The following PRSS23 variants were observed in gnomAD, a reference collection of about 807,000 sequenced individuals.
The protein encoded by PRSS23 is protease, serine 23.
In PRSS23, 25 loss-of-function variants were observed where a neutral mutation model predicts 34.7. The ratio of observed to expected loss-of-function variants is 0.72; its 90% confidence interval spans 0.53 to 1.01. PRSS23 has a LOEUF of 1.01. PRSS23 is among the 50% of genes least tolerant of loss of function. The probability of loss-of-function intolerance (pLI) is 0.00; values close to 1 mark genes in which losing one functional copy is unlikely to be tolerated. For synonymous variants in PRSS23, 176 were observed against 186.6 expected, an observed-to-expected ratio of 0.94 and a Z score of 0.46; for missense variants, 445 against 475.6, an observed-to-expected ratio of 0.94 and a Z score of 0.60.
intron 2 of PRSS23, among the ~76,000 whole-genome samples, chr11:86,842,108 G>C (rs1948453014): frequency 6.6e-6 from 1 of 152,138 alleles, no homozygotes; most frequent in African/African-American, 2.4e-5. Context: ...TTCACCCCTG[G>C]GATGCAAGGC....
Position 86,807,740 on chromosome 11 carries a change from C to T in PRSS23, c.97C>T (p.Pro33Ser), listed in dbSNP as rs1337121292. 1 of 1,614,116 alleles carries T rather than the reference C, an allele frequency of 6.2e-7. No individual in the cohort carries two copies. Among genetic ancestry groups the T allele is most frequent in the Admixed American group, 1.7e-5 (1 of 60,032 alleles). Residue 33 changes from proline to serine, a missense_variant, in exon 2 of 2, where the codon CCT becomes TCT. Physicochemically the swap from Pro to Ser is moderately conservative, Grantham distance 74. Transcript: ENST00000280258. ...PYSAPWKPTW[P>S]AYRLPVVLPQ... ...CAGTGCCCCCTGGAAACCCACTTGG[C>T]CTGCATACCGCCTCCCTGTCGTCTT...
rs377063808 is a variant in PRSS23, at chr11:86,894,686, C to T, written c.207-56530C>T. On this transcript the variant is annotated intron_variant, in intron 2 of 2. Transcript: ENST00000533902. ...AGCTGAAGAAAGGACTAACCTTTAC[C>T]GGTCGTTGTCTTTATCTTCAAAGCT... Among the ~76,000 whole-genome samples, 4 of 152,228 alleles carry T rather than the reference C, an allele frequency of 2.6e-5. No individual in the cohort carries two copies. In the South Asian group the frequency reaches 6.2e-4, roughly 24 times the overall value.
chr11:86,897,639 T>G lies in PRSS23; in HGVS notation c.207-53577T>G, dbSNP rs554072603. Among the ~76,000 whole-genome samples, 8 of 152,008 alleles carry G rather than the reference T, an allele frequency of 5.3e-5. 1 individual carries two copies. The East Asian group carries it at 5.8e-4, about 11-fold the overall frequency. On this transcript the variant is annotated intron_variant, in intron 2 of 2. Transcript: ENST00000533902. ...AAGCATGCACCCCTGGCTAGTTTTT[T>G]TTTGTTTGTTTGTTATAAATACTGG... is the stretch of plus-strand genomic sequence containing the variant.
intron 2 of PRSS23, among the ~76,000 whole-genome samples, chr11:86,907,950 T>G (rs1001233638): frequency 6.6e-6 from 1 of 152,244 alleles, no homozygotes; most frequent in Non-Finnish European, 1.5e-5. Context: ...CTATTTCAGA[T>G]TCCTCGTCAG....
chr11:86,937,222 C>A (rs546744179), intron 2 of PRSS23: 1 of 152,188 alleles, frequency 6.6e-6, no homozygotes, highest in African/African-American at 2.4e-5. Flanking sequence ...ATCACAGACC[C>A]CTTCTTTGAA....
At chr11:86,945,952 A>G (rs551786923) in intron 2 of PRSS23, 9 of 152,734 alleles carry the variant, frequency 5.9e-5, no homozygotes, top group African/African-American at 2.2e-4. Flanking sequence ...GGACCCAAGA[A>G]AGGCCACAGA....
At chr11:86,903,544 G>A (rs1362843078) in intron 2 of PRSS23, among the ~76,000 whole-genome samples, 1 of 146,298 alleles carries the variant, frequency 6.8e-6, no homozygotes, top group African/African-American at 2.5e-5. Context: ...GTGCAGTGGT[G>A]TGATCTCGGC....
In PRSS23 at chr11:86,840,625, A is replaced by C. The variant is rs192242511; in HGVS notation, c.206+17032A>C. Among the ~76,000 whole-genome samples the C allele has an allele frequency of 3.9e-5, 6 of 152,366 alleles. No individual in the cohort carries two copies. In the East Asian group the frequency reaches 1.2e-3, roughly 29 times the overall value. On this transcript the variant is annotated intron_variant, in intron 2 of 2. Coordinates refer to the PRSS23 transcript ENST00000533902. ...ACAAGTGGACCTAATAGACATCTAC[A>C]GAACTCTCTACCCCAAATCAACAGA...
At chr11:86,842,256 TAA>T (rs1174337097) in intron 2 of PRSS23, among the ~76,000 whole-genome samples, 1 of 152,198 alleles carries the variant, frequency 6.6e-6, no homozygotes, top group Non-Finnish European at 1.5e-5. Flanking sequence ...AAACTCTATA[TAA>T]ACTAGGTATT....
At chr11:86,869,599 G>T (rs1229903533) in intron 2 of PRSS23, among the ~76,000 whole-genome samples, 2 of 152,166 alleles carry the variant, frequency 1.3e-5, no homozygotes, top group Middle Eastern at 3.4e-3. Flanking sequence ...GAGGAGAGAG[G>T]CTCAAAGGAG....
intron 2 of PRSS23, among the ~76,000 whole-genome samples, chr11:86,944,223 T>C (rs1443599473): frequency 1.3e-5 from 2 of 151,860 alleles, no homozygotes; most frequent in African/African-American, 4.8e-5. Context: ...GGCCTTCCCA[T>C]GGCATTCTCC....
At chr11:86,877,612 C>G (rs754336734) in intron 2 of PRSS23, among the ~76,000 whole-genome samples, 5 of 152,284 alleles carry the variant, frequency 3.3e-5, no homozygotes, top group Middle Eastern at 3.4e-3. Flanking sequence ...TTTGCCACCA[C>G]TGAATTGTCT....
chr11:86,826,835 G>C (rs1213356571), intron 2 of PRSS23, among the ~76,000 whole-genome samples: 2 of 152,196 alleles, frequency 1.3e-5, no homozygotes, highest in Non-Finnish European at 2.9e-5. Flanking sequence ...GCATCCCAGG[G>C]ATGAAGCCCA....
rs565900426 is a variant in PRSS23 at position 86,853,454 on chromosome 11, C to T, written c.206+29861C>T. Among the ~76,000 whole-genome samples the T allele has an allele frequency of 1.4e-3, 218 of 151,480 alleles. 1 individual carries two copies. Among genetic ancestry groups the T allele is most frequent in the Non-Finnish European group, 2.4e-3 (166 of 67,824 alleles). On this transcript the variant is annotated intron_variant, in intron 2 of 2. Transcript: ENST00000533902. ...ATTTTTAGTAGAGACAGGGTTTCAC[C>T]GTTTTGGCCAGGCTGGTCTCGAACT...
At chr11:86,850,525 T>C (rs1948521235) in intron 2 of PRSS23, among the ~76,000 whole-genome samples, 1 of 152,184 alleles carries the variant, frequency 6.6e-6, no homozygotes, top group African/African-American at 2.4e-5. Context: ...GGATGAATAA[T>C]ATTGAAGATA....
At chr11:86,870,316 T>A (rs1327565124) in intron 2 of PRSS23, among the ~76,000 whole-genome samples, 2 of 152,060 alleles carry the variant, frequency 1.3e-5, no homozygotes, top group Non-Finnish European at 2.9e-5. Flanking sequence ...ATCCCACCTA[T>A]GTCAACATCC....
intron 2 of PRSS23, among the ~76,000 whole-genome samples, chr11:86,867,432 G>A (rs1295771466): frequency 1.3e-5 from 2 of 152,200 alleles, no homozygotes; most frequent in African/African-American, 4.8e-5. Flanking sequence ...AGTGTCATAA[G>A]GACAGGGCCT....
chr11:86,882,590 T>C (rs189909979), intron 2 of PRSS23, among the ~76,000 whole-genome samples: 1 of 152,322 alleles, frequency 6.6e-6, no homozygotes, highest in African/African-American at 2.4e-5. Context: ...CCATATTTTA[T>C]CTAGTCTGTC....
rs559938542 is a variant in PRSS23 at position 86,890,907 on chromosome 11, C to T, written c.207-60309C>T. Among the ~76,000 whole-genome samples the T allele has an allele frequency of 3.7e-4, 56 of 152,258 alleles. 1 individual carries two copies. The highest frequency in any genetic ancestry group is 1.1e-3 in the African/African-American group (47 of 41,546). On this transcript the variant is annotated intron_variant, in intron 2 of 2. Coordinates refer to the PRSS23 transcript ENST00000533902. ...TGGTCTCTTCTTCAGCCTCTTGAAC[C>T]TGGTGCTCTCCCTATTAAGGTTAAT...
Sources: allele counts gnomAD v4.1 joint callset (sites outside exome capture counted in the v4.1 genomes callset), GRCh38; gene constraint gnomAD v4.1.1; transcripts MANE v1.5; gene names NCBI Gene and HGNC (gene_info 2026-07-23, HGNC 2026-07-21).